The following SLIT3 variants were observed in gnomAD, a reference collection of about 807,000 sequenced individuals.
SLIT3 encodes slit homolog 3 protein.
In SLIT3, 68 loss-of-function variants were observed where a neutral mutation model predicts 184.0. That is an observed-to-expected ratio of 0.37 (90% CI 0.30 to 0.45). SLIT3 has a LOEUF of 0.45. Ranked by LOEUF, SLIT3 falls within the 20% of genes least tolerant of loss-of-function variation. The probability of loss-of-function intolerance (pLI) is 1.00; values close to 1 mark genes in which losing one functional copy is unlikely to be tolerated. For synonymous variants in SLIT3, 831 were observed against 828.6 expected (o/e 1.00, Z -0.05); for missense variants, 1,707 against 2,026.0 (o/e 0.84, Z 3.02).
chr5:168,811,095 G>C (rs1245305390), intron 8 of SLIT3, among the ~76,000 whole-genome samples: 1 of 152,124 alleles, frequency 6.6e-6, no homozygotes, highest in East Asian at 1.9e-4. Flanking sequence ...GCTGAGATGA[G>C]TGGGAAAAAG....
intron 7 of SLIT3, among the ~76,000 whole-genome samples, chr5:168,818,021 A>G (rs1109105): frequency 0.45 from 66,513 of 149,386 alleles, 15,341 homozygotes; most frequent in East Asian, 0.6. Flanking sequence ...CTTTGTGTGC[A>G]CTAGCTGGAG....
rs1756973834 is a variant in SLIT3, at chr5:168,806,641, G to A, written c.794-54C>T. 3 of 1,605,318 alleles carry A rather than the reference G, an allele frequency of 1.9e-6. No homozygotes were observed. In the African/African-American group the frequency reaches 4.0e-5, roughly 21 times the overall value. On this transcript the variant is annotated intron_variant, in intron 8 of 35. Coordinates refer to ENST00000519560, the MANE Select transcript of SLIT3 (RefSeq NM_003062.4). ...TATGTCAGTGTCAGGAGCTGCCTGG[G>A]CTTCTGTGTCCTTAACCAGCATCCT...
intron 4 of SLIT3, among the ~76,000 whole-genome samples, chr5:169,061,751 C>T (rs1758180587): frequency 6.6e-6 from 1 of 152,196 alleles, no homozygotes; most frequent in Admixed American, 6.5e-5. Flanking sequence ...GGGATGCTTC[C>T]AGCCCTTCCT....
intron 27 of SLIT3, among the ~76,000 whole-genome samples, chr5:168,696,928 A>T (rs1762082055): frequency 6.6e-6 from 1 of 152,166 alleles, no homozygotes; most frequent in Non-Finnish European, 1.5e-5. Context: ...TATAGTGGCC[A>T]AGGTCCCAGA....
chr5:169,274,448 A>G (rs1251949566), intron 1 of SLIT3, among the ~76,000 whole-genome samples: 1 of 152,212 alleles, frequency 6.6e-6, no homozygotes, highest in African/African-American at 2.4e-5. Flanking sequence ...AAAAACAGAT[A>G]AGATAATGTA....
At chr5:169,055,352 T>C (rs1757957727) in intron 4 of SLIT3, among the ~76,000 whole-genome samples, 2 of 152,202 alleles carry the variant, frequency 1.3e-5, no homozygotes, top group South Asian at 4.1e-4. Flanking sequence ...CAACAGAGAA[T>C]GACTGGTTAG....
At chr5:169,117,300 T>A (rs1760709999) in intron 4 of SLIT3, among the ~76,000 whole-genome samples, 1 of 152,192 alleles carries the variant, frequency 6.6e-6, no homozygotes, top group Admixed American at 6.5e-5. Context: ...ATTGAGGAGC[T>A]GGAAGAGCCA....
intron 26 of SLIT3, chr5:168,706,819 C>T (rs1411642558): frequency 6.6e-6 from 1 of 152,216 alleles, no homozygotes; most frequent in African/African-American, 2.4e-5. Context: ...GTCCCATTCC[C>T]CAGAATGAGG....
chr5:168,689,257 A>G (rs1761838650), intron 29 of SLIT3, among the ~76,000 whole-genome samples: 1 of 152,216 alleles, frequency 6.6e-6, no homozygotes, highest in South Asian at 2.1e-4. Context: ...TTCTCCATCA[A>G]CTAAAGAGAG....
At chr5:169,018,189 G>GC (rs2113480297) in intron 4 of SLIT3, among the ~76,000 whole-genome samples, 1 of 152,324 alleles carries the variant, frequency 6.6e-6, no homozygotes, top group East Asian at 1.9e-4. Flanking sequence ...GGACGGGGAT[G>GC]CCCCCAAACC....
intron 5 of SLIT3, among the ~76,000 whole-genome samples, chr5:168,851,963 G>A (rs936042596): frequency 1.3e-5 from 2 of 152,202 alleles, no homozygotes; most frequent in African/African-American, 2.4e-5. Context: ...AGGCCAGGGG[G>A]AGCCTTGAAA....
chr5:168,834,703 A>C (rs1230098757), intron 6 of SLIT3, among the ~76,000 whole-genome samples: 7 of 89,480 alleles, frequency 7.8e-5, no homozygotes, highest in African/African-American at 2.8e-4. Flanking sequence ...AAAAAAAAAA[A>C]AAAAAAAAAA....
intron 14 of SLIT3, chr5:168,768,111 T>C (rs772157436): frequency 2.2e-6 from 1 of 457,138 alleles, no homozygotes; most frequent in Admixed American, 2.2e-5. Context: ...AGAGGAGAGG[T>C]GTCCAGCGGT....
intron 1 of SLIT3, among the ~76,000 whole-genome samples, chr5:169,283,155 G>A (rs1204238044): frequency 2.0e-5 from 3 of 152,202 alleles, no homozygotes; most frequent in African/African-American, 7.2e-5. Context: ...CAAAGGCCAC[G>A]CATAATCTTT....
Position 168,707,912 on chromosome 5 carries a change from C to G in SLIT3, c.2844+64G>C, listed in dbSNP as rs1175119657. ...GGTACGCAGGGCATGGTGCCCCTCT[C>G]TAGGGCCAGGGCTGAAGGAGGAGCC... On this transcript the variant is annotated intron_variant, in intron 26 of 35. Transcript: ENST00000519560. The G allele has an allele frequency of 5.0e-6, 8 of 1,602,854 alleles. No homozygotes were observed. In the East Asian group the frequency reaches 1.8e-4, roughly 36 times the overall value.
chr5:169,193,433 A>G (rs1371560609), intron 4 of SLIT3, 46 bp downstream of exon 4: 10 of 1,539,628 alleles, frequency 6.5e-6, no homozygotes, highest in Non-Finnish European at 9.0e-6. Flanking sequence ...ACATCACCCA[A>G]GCCAGGCAAG....
At chr5:169,103,717 T>C (rs926140181) in intron 4 of SLIT3, among the ~76,000 whole-genome samples, 1 of 152,214 alleles carries the variant, frequency 6.6e-6, no homozygotes. Flanking sequence ...TCTGAAAACA[T>C]GGCCTGGCAT....
At chr5:169,086,717 G>C (rs1003751234) in intron 4 of SLIT3, among the ~76,000 whole-genome samples, 1 of 152,108 alleles carries the variant, frequency 6.6e-6, no homozygotes, top group Non-Finnish European at 1.5e-5. Flanking sequence ...TGGTAACGTG[G>C]GTCAAGAGTC....
intron 4 of SLIT3, among the ~76,000 whole-genome samples, chr5:168,905,326 G>C (rs554132195): frequency 3.3e-5 from 5 of 152,326 alleles, no homozygotes; most frequent in African/African-American, 1.2e-4. Flanking sequence ...ATCCTCCCCA[G>C]TCAGAGGGCC....
Sources: gnomAD v4.1 joint callset for allele counts (sites outside exome capture counted in the v4.1 genomes callset) on GRCh38, gnomAD v4.1.1 for gene constraint, MANE v1.5 for transcripts, NCBI Gene and HGNC (gene_info 2026-07-23, HGNC 2026-07-21) for gene names.